The following PPEF2 variants were observed in gnomAD, a reference collection of about 807,000 sequenced individuals.
PPEF2 encodes serine/threonine-protein phosphatase with EF-hands 2.
PPEF2 carries 84 observed loss-of-function variants against 84.7 expected under a neutral mutation model. The ratio of observed to expected loss-of-function variants is 0.99; its 90% CI spans 0.83 to 1.19. The LOEUF (loss-of-function observed/expected upper bound fraction) is 1.19. Among genes scored for constraint, PPEF2 ranks in the 50% most tolerant of loss-of-function variants. The pLI is 0.00. For missense variants in PPEF2, 924 were observed against 937.5 expected (o/e 0.99, Z 0.19); for synonymous variants, 346 against 345.2 (o/e 1.00, Z -0.03).
At chr4:75,889,190 T>G (rs1273153330) in intron 5 of PPEF2, 1 of 152,594 alleles carries the variant, frequency 6.6e-6, no homozygotes, top group Non-Finnish European at 1.5e-5. Context: ...CCAGCCTGGA[T>G]GACAGAGCGA....
At chr4:75,878,227 C>T (rs140727841) in intron 10 of PPEF2, among the ~76,000 whole-genome samples, 108 of 152,280 alleles carry the variant, frequency 7.1e-4, no homozygotes, top group African/African-American at 2.5e-3. Context: ...CTCTCACTTG[C>T]GGTCATCATG....
intron 5 of PPEF2, among the ~76,000 whole-genome samples, chr4:75,889,703 C>A (rs11721508): frequency 0.35 from 53,533 of 152,034 alleles, 10,318 homozygotes; most frequent in Non-Finnish European, 0.44. Context: ...GTGGGGCACA[C>A]AGCAGTGCTC....
chr4:75,883,957 C>T (rs1022443119), intron 8 of PPEF2, among the ~76,000 whole-genome samples: 1 of 151,108 alleles, frequency 6.6e-6, no homozygotes, highest in Non-Finnish European at 1.5e-5. Flanking sequence ...TGGTGAAACC[C>T]GTCTCTACTA....
At chr4:75,860,957 C>T in intron 16 of PPEF2, 37 bp from the exon 17 acceptor site, 1 of 1,601,362 alleles carries the variant, frequency 6.2e-7, no homozygotes, top group Admixed American at 1.7e-5. Context: ...GTGAGTTAGT[C>T]TAGTTTTTAA....
At chr4:75,901,314 G>A (rs1279922098) in intron 1 of PPEF2, among the ~76,000 whole-genome samples, 3 of 152,076 alleles carry the variant, frequency 2.0e-5, no homozygotes, top group African/African-American at 4.8e-5. Context: ...TCAGGAGTTC[G>A]AGACCAGCCT....
At chr4:75,888,398 T>C in intron 5 of PPEF2, 70 bp from the exon 6 acceptor site, 1 of 1,196,372 alleles carries the variant, frequency 8.4e-7, no homozygotes, top group Non-Finnish European at 1.2e-6. Context: ...GTCCTTACCT[T>C]TACTGCTTAA....
intron 15 of PPEF2, among the ~76,000 whole-genome samples, 186 bp downstream of exon 15, chr4:75,866,003 C>T (rs1339909028): frequency 6.6e-6 from 1 of 152,156 alleles, no homozygotes; most frequent in Non-Finnish European, 1.5e-5. Context: ...TGAGGATTAA[C>T]TGAGGCAATG....
chr4:75,893,927 A>G (rs1724950264), intron 2 of PPEF2, among the ~76,000 whole-genome samples: 1 of 152,100 alleles, frequency 6.6e-6, no homozygotes, highest in South Asian at 2.1e-4. Flanking sequence ...CTTGCTTTCA[A>G]TTGAGATGGG....
intron 1 of PPEF2, among the ~76,000 whole-genome samples, chr4:75,897,634 G>A (rs930175316): frequency 6.6e-5 from 10 of 152,164 alleles, no homozygotes; most frequent in African/African-American, 1.9e-4. Flanking sequence ...AATTAGCTGG[G>A]TGTGGTGGTG....
chr4:75,897,210 G>C (rs988088917), intron 1 of PPEF2, among the ~76,000 whole-genome samples: 1 of 152,032 alleles, frequency 6.6e-6, no homozygotes, highest in African/African-American at 2.4e-5. Context: ...AAACTCTTAT[G>C]TTTACTCCCA....
chr4:75,891,687 A>G lies in PPEF2; in HGVS notation c.202T>C (p.Tyr68His), dbSNP rs1724888029. Residue 68 changes from tyrosine to histidine, a missense_variant, in exon 4 of 17, where the codon TAT (tyrosine) becomes CAT (histidine). Tyr to His is a moderately conservative substitution (Grantham distance 83). Transcript: ENST00000286719. ...CTGGGGATGAAGTGATCCATGAGAT[A>G]GCTGAAGAAGTCATGGAGCTGCAGA... ...DQVKLHDFFS[Y>H]LMDHFIPSSH... 6.2e-7 allele frequency: 1 copy of G among 1,611,846 alleles called. No individual in the cohort carries two copies.
intron 16 of PPEF2, 44 bp downstream of exon 16, chr4:75,864,396 T>C (rs765790750): frequency 7.1e-7 from 1 of 1,413,976 alleles, no homozygotes; most frequent in Non-Finnish European, 1.0e-6. Flanking sequence ...TAAGGTAAAA[T>C]ACTTGCAGTG....
chr4:75,872,795 A>G (rs560675779), intron 12 of PPEF2, among the ~76,000 whole-genome samples: 1 of 152,340 alleles, frequency 6.6e-6, no homozygotes, highest in Admixed American at 6.5e-5. Flanking sequence ...TGCTCCTGAG[A>G]AGACAAATGA....
At chr4:75,863,463 G>T (rs959737416) in intron 16 of PPEF2, among the ~76,000 whole-genome samples, 8 of 148,682 alleles carry the variant, frequency 5.4e-5, no homozygotes, top group African/African-American at 2.0e-4. Context: ...TTGTGCCACT[G>T]CACTCCAGCT....
At chr4:75,894,090 T>G (rs1330062686) in intron 2 of PPEF2, among the ~76,000 whole-genome samples, 2 of 152,240 alleles carry the variant, frequency 1.3e-5, no homozygotes, top group Non-Finnish European at 2.9e-5. Context: ...GTAAAAACTC[T>G]ACATATAACA....
At chr4:75,874,274 T>C (rs1020865347) in intron 11 of PPEF2, among the ~76,000 whole-genome samples, 56 of 152,088 alleles carry the variant, frequency 3.7e-4, no homozygotes, top group African/African-American at 9.7e-4. Context: ...ATTTTGGTTA[T>C]TGTCATTTAA....
chr4:75,869,973 C>T (rs764792662), intron 13 of PPEF2, among the ~76,000 whole-genome samples: 1 of 152,170 alleles, frequency 6.6e-6, no homozygotes, highest in Non-Finnish European at 1.5e-5. Context: ...CTCCATTATG[C>T]TTCATACAGT....
At chr4:75,878,204 T>C (rs6856577) in intron 10 of PPEF2, among the ~76,000 whole-genome samples, 6,081 of 152,212 alleles carry the variant, frequency 0.04, 383 homozygotes, top group African/African-American at 0.14. Flanking sequence ...CCACAGGGAA[T>C]TGAATAGAGT....
intron 2 of PPEF2, among the ~76,000 whole-genome samples, chr4:75,894,990 G>A (rs13150842): frequency 0.18 from 27,941 of 151,990 alleles, 3,415 homozygotes; most frequent in Non-Finnish European, 0.27. Flanking sequence ...GATTTCACTC[G>A]GTCACCCAGG....
Sources: allele counts gnomAD v4.1 joint callset (sites outside exome capture counted in the v4.1 genomes callset), GRCh38; gene constraint gnomAD v4.1.1; transcripts MANE v1.5; gene names NCBI Gene and HGNC (gene_info 2026-07-23, HGNC 2026-07-21).